Variants in CNTNAP5 observed in about 807,000 individuals in gnomAD.
The protein encoded by CNTNAP5 is contactin associated protein family member 5.
In CNTNAP5, 72 loss-of-function variants were observed where a neutral mutation model predicts 150.2. That is an observed-to-expected ratio of 0.48 (90% CI 0.40 to 0.58). CNTNAP5 has a LOEUF of 0.58. Ranked by LOEUF, CNTNAP5 falls within the 20% of genes least tolerant of loss-of-function variation. The probability of loss-of-function intolerance (pLI) is 0.00; values close to 1 mark genes in which losing one functional copy is unlikely to be tolerated. For synonymous variants in CNTNAP5, 672 were observed against 619.8 expected (o/e 1.08, Z -1.25); for missense variants, 1,636 against 1,626.2 (o/e 1.01, Z -0.10).
intron 19 of CNTNAP5, among the ~76,000 whole-genome samples, chr2:124,849,805 T>C (rs1030014319): frequency 1.3e-4 from 20 of 152,210 alleles, no homozygotes; most frequent in Admixed American, 1.3e-4. Flanking sequence ...TGGTCACAAA[T>C]TGTATTTTAG....
At chr2:124,288,838 C>G (rs1688217170) in intron 3 of CNTNAP5, among the ~76,000 whole-genome samples, 1 of 152,094 alleles carries the variant, frequency 6.6e-6, no homozygotes, top group South Asian at 2.1e-4. Flanking sequence ...GTGTTCAAAG[C>G]CAAGAACAGT....
In CNTNAP5 at chr2:124,025,621, C is replaced by A; in HGVS notation, c.-30C>A. The A allele has an allele frequency of 6.2e-7, 1 of 1,608,512 alleles. No individual in the cohort carries two copies. Among genetic ancestry groups the A allele is most frequent in the African/African-American group, 1.3e-5 (1 of 74,842 alleles). On this transcript the variant is annotated 5_prime_UTR_variant, in exon 1 of 24. Coordinates refer to ENST00000682447, the MANE Select transcript of CNTNAP5 (RefSeq NM_001367498.1). ...GGCTGGCTACTGCGAATTTGGGATTCGATTGGGAGGGACCGCTCACTCGGG... is the reference window on the plus strand; with the variant it reads ...GGCTGGCTACTGCGAATTTGGGATTAGATTGGGAGGGACCGCTCACTCGGG...
At chr2:124,279,682 T>C (rs1356377393) in intron 3 of CNTNAP5, among the ~76,000 whole-genome samples, 1 of 152,110 alleles carries the variant, frequency 6.6e-6, no homozygotes, top group African/African-American at 2.4e-5. Context: ...TCACTGCATC[T>C]AAAAAGTGCT....
At chr2:124,230,024 T>C (rs1447918409) in intron 2 of CNTNAP5, among the ~76,000 whole-genome samples, 1 of 152,154 alleles carries the variant, frequency 6.6e-6, no homozygotes, top group Non-Finnish European at 1.5e-5. Flanking sequence ...TGTGTGTTTC[T>C]AGCATGACAG....
rs1359958290 is a variant in CNTNAP5, at chr2:124,919,483, A to G, written c.*5195A>G. Among the ~76,000 whole-genome samples the G allele has an allele frequency of 6.6e-6, 1 of 152,072 alleles. No individual in the cohort carries two copies. The highest frequency in any genetic ancestry group is 1.5e-5 in the Non-Finnish European group (1 of 67,992). ...AAAAGTTGGTTTTGGTTTCAACCAC[A>G]CCTGCTGCGAACTTGACGAGGAGGA... On this transcript the variant is annotated 3_prime_UTR_variant, in exon 24 of 24. Transcript: ENST00000682447.
intron 17 of CNTNAP5, among the ~76,000 whole-genome samples, chr2:124,779,298 A>C (rs571362764): frequency 2.0e-5 from 3 of 152,106 alleles, no homozygotes; most frequent in South Asian, 4.2e-4. Flanking sequence ...TGGCTTCAGC[A>C]CTCCCGGTGG....
chr2:124,896,474 CA>C (rs1678306974), intron 21 of CNTNAP5, among the ~76,000 whole-genome samples: 4 of 151,396 alleles, frequency 2.6e-5, no homozygotes, highest in African/African-American at 9.8e-5. Context: ...GGAGGACAGA[CA>C]AAATGGCAAA....
chr2:124,795,437 T>A (rs1054448480), intron 18 of CNTNAP5, among the ~76,000 whole-genome samples: 13 of 152,184 alleles, frequency 8.5e-5, no homozygotes, highest in African/African-American at 2.7e-4. Flanking sequence ...TGGAAAATAT[T>A]GTCTCTGTCG....
intron 10 of CNTNAP5, among the ~76,000 whole-genome samples, chr2:124,538,877 A>G (rs773831038): frequency 9.2e-5 from 14 of 152,318 alleles, no homozygotes; most frequent in Non-Finnish European, 1.6e-4. Flanking sequence ...CGATATCTCA[A>G]TAAGCCTTCA....
chr2:124,408,924 G>A (rs564505397), intron 3 of CNTNAP5, among the ~76,000 whole-genome samples: 7 of 152,074 alleles, frequency 4.6e-5, no homozygotes, highest in East Asian at 1.9e-4. Flanking sequence ...GGCTTCAGAC[G>A]ATCAAATTAC....
At chr2:124,767,696 A>C (rs900497307) in intron 16 of CNTNAP5, among the ~76,000 whole-genome samples, 1 of 152,168 alleles carries the variant, frequency 6.6e-6, no homozygotes, top group African/African-American at 2.4e-5. Context: ...CAGAAAATTC[A>C]ATCTGAACTG....
At chr2:124,795,388 C>A (rs1412855544) in intron 18 of CNTNAP5, among the ~76,000 whole-genome samples, 1 of 152,204 alleles carries the variant, frequency 6.6e-6, no homozygotes, top group Non-Finnish European at 1.5e-5. Context: ...GATCCTCTTG[C>A]AGGTCTCAGG....
intron 19 of CNTNAP5, among the ~76,000 whole-genome samples, chr2:124,858,075 AT>A (rs1677420079): frequency 6.6e-6 from 1 of 152,192 alleles, no homozygotes. Context: ...AGAGCTATTT[AT>A]GACAAACCCA....
At chr2:124,234,999 G>A (rs1686714138) in intron 2 of CNTNAP5, among the ~76,000 whole-genome samples, 1 of 152,136 alleles carries the variant, frequency 6.6e-6, no homozygotes, top group African/African-American at 2.4e-5. Context: ...ACTTTTTGTG[G>A]AAGTAATTAT....
chr2:124,537,965 A>C (rs938035665), intron 10 of CNTNAP5, among the ~76,000 whole-genome samples: 1 of 152,184 alleles, frequency 6.6e-6, no homozygotes, highest in African/African-American at 2.4e-5. Flanking sequence ...CGGTGGTGAG[A>C]ATCCTTCCCC....
At chr2:124,140,367 C>G (rs1466519550) in intron 1 of CNTNAP5, among the ~76,000 whole-genome samples, 1 of 151,504 alleles carries the variant, frequency 6.6e-6, no homozygotes, top group Non-Finnish European at 1.5e-5. Flanking sequence ...CAGCAGTAAC[C>G]TCTGCAGACT....
In CNTNAP5 at chr2:124,628,862, G is replaced by C. The variant is rs112266485; in HGVS notation, c.1877-18896G>C. On this transcript the variant is annotated intron_variant, in intron 12 of 23. Coordinates refer to ENST00000682447, the MANE Select transcript of CNTNAP5 (RefSeq NM_001367498.1). ...CACATAGAATCATAATAAAGGGATG[G>C]AGGAAAATTTATCAAGCAAACGGAA... is the stretch of plus-strand genomic sequence containing the variant. 7.0e-3 allele frequency among the ~76,000 whole-genome samples: 1,065 copies of C among 152,284 alleles called. 14 individuals are homozygous for C. Among genetic ancestry groups the C allele is most frequent in the African/African-American group, 0.024 (1,012 of 41,550 alleles).
At position 124,916,597 on chromosome 2, in the gene CNTNAP5, T is replaced by A. The variant is rs1015146155; in HGVS notation, c.*2309T>A. Reference sequence around the variant, plus strand: ...GGACTATGTTTTGCTGACATAGTGCTAATAGAAGAAATGGAGACTAGCAAA... The same window carrying A: ...GGACTATGTTTTGCTGACATAGTGCAAATAGAAGAAATGGAGACTAGCAAA... On this transcript the variant is annotated 3_prime_UTR_variant, in exon 24 of 24. Transcript: ENST00000682447. Among the ~76,000 whole-genome samples the A allele has an allele frequency of 2.6e-5, 4 of 152,104 alleles. No homozygotes were observed. Among genetic ancestry groups the A allele is most frequent in the African/African-American group, 9.7e-5 (4 of 41,448 alleles).
chr2:124,289,360 C>A (rs1292059616), intron 3 of CNTNAP5, among the ~76,000 whole-genome samples: 1 of 152,094 alleles, frequency 6.6e-6, no homozygotes, highest in East Asian at 1.9e-4. Context: ...GGATTTTCAG[C>A]TGTCTAAAGA....
Sources: allele counts gnomAD v4.1 joint callset (sites outside exome capture counted in the v4.1 genomes callset), GRCh38; gene constraint gnomAD v4.1.1; transcripts MANE v1.5; gene names NCBI Gene and HGNC (gene_info 2026-07-23, HGNC 2026-07-21).